The following NBEAL2 variants were observed in gnomAD, a reference collection of about 807,000 sequenced individuals.
NBEAL2 encodes neurobeachin-like protein 2.
In NBEAL2, 160 loss-of-function variants were observed where a neutral mutation model predicts 299.8. The ratio of observed to expected loss-of-function variants is 0.53; its 90% CI spans 0.47 to 0.61. The LOEUF is 0.61. Among genes scored for constraint, NBEAL2 ranks in the 20% least tolerant of loss-of-function variants. The pLI, the probability that NBEAL2 is intolerant of heterozygous loss-of-function variation, is 0.00. For missense variants in NBEAL2, 3,112 were observed against 3,649.0 expected, an observed-to-expected ratio of 0.85 and a Z score of 3.79; for synonymous variants, 1,493 against 1,542.3, an observed-to-expected ratio of 0.97 and a Z score of 0.75.
Position 47,004,893 on chromosome 3 carries a change from C to T in NBEAL2, c.6295-79C>T. 1 of 1,545,902 alleles carries T rather than the reference C, an allele frequency of 6.5e-7. No homozygotes were observed. Among genetic ancestry groups the T allele is most frequent in the South Asian group, 1.2e-5 (1 of 83,696 alleles). On this transcript the variant is annotated intron_variant, in intron 38 of 53. Transcript: ENST00000450053. This position sits in a 1 kb window ranked among gnomAD's most constrained non-coding sequence, Gnocchi z 5.0. ...TGTGGGCAGGCTCTGTGCCCGCCTT[C>T]TTGAGGGTGTGGGCAGGGCAGGGTG...
At position 46,988,155 on chromosome 3, in the gene NBEAL2, C is replaced by G. The variant is rs916350404; in HGVS notation, c.52-514C>G. 3.5e-5 allele frequency: 35 copies of G among 1,006,978 alleles called. No individual in the cohort carries two copies. In the South Asian group the frequency reaches 5.4e-4, roughly 16 times the overall value. The allele number at this position is 1,006,978 out of a possible 1,614,324, so 62.4% of individuals were successfully genotyped here. A position where few individuals can be genotyped will look rare whatever the true frequency, so the allele number is the denominator to read the frequency against. On this transcript the variant is annotated intron_variant, in intron 1 of 53. Coordinates refer to ENST00000450053, the MANE Select transcript of NBEAL2 (RefSeq NM_015175.3). The surrounding 1 kb of genome is among the most constrained non-coding windows in gnomAD (Gnocchi z 4.4). ...AGGATGTGCGCATGTCTGGGTCTGC[C>G]TGTCTAATGGTACACGTGTGTCCTG...
At position 47,007,104 on chromosome 3, in the gene NBEAL2, C is replaced by T. The variant is rs779247790; in HGVS notation, c.7173C>T (p.Val2391=). ...GTGTACCCCTGGTGCTAGCCCTGGTCCCCCACCGGCAGCCCCACTCCTTCA... is the reference window on the plus strand; with the variant it reads ...GTGTACCCCTGGTGCTAGCCCTGGTTCCCCACCGGCAGCCCCACTCCTTCA... ...SDGVPLVLAL[V]PHRQPHSFIT... The change falls in exon 46 of 54, where the codon GTC becomes GTT. Residue 2391 remains valine (V), a synonymous_variant. Coordinates refer to ENST00000450053, the MANE Select transcript of NBEAL2 (RefSeq NM_015175.3). 6.2e-7 allele frequency: 1 copy of T among 1,613,404 alleles called. No individual in the cohort carries two copies. Among genetic ancestry groups the T allele is most frequent in the South Asian group, 1.1e-5 (1 of 91,006 alleles).
At chr3:46,980,580 G>C (rs1445855111) in intron 1 of NBEAL2, among the ~76,000 whole-genome samples, 1 of 152,136 alleles carries the variant, frequency 6.6e-6, no homozygotes, top group Non-Finnish European at 1.5e-5. Context: ...GATGCCCAGG[G>C]TGAGGGTGGG....
chr3:46,996,724 G>T (rs1365417704), intron 16 of NBEAL2, 27 bp from the exon 17 acceptor site: 3 of 1,606,080 alleles, frequency 1.9e-6, no homozygotes, highest in Non-Finnish European at 2.6e-6. Context: ...GCCTAGCAAG[G>T]TCTGAAGCCC....
chr3:46,991,926 C>T lies in NBEAL2; in HGVS notation c.1012C>T (p.Arg338Trp), dbSNP rs751200449. The T allele has an allele frequency of 9.4e-6, 15 of 1,600,360 alleles. No individual in the cohort carries two copies. The highest frequency in any genetic ancestry group is 4.5e-5 in the South Asian group (4 of 88,478). The change falls in exon 9 of 54, where the codon CGG becomes TGG. Residue 338 changes from arginine (R) to tryptophan (W), a missense_variant. Arg to Trp is a moderately radical substitution (Grantham distance 101). This residue lies in a region of NBEAL2 where 2,243 missense variants were observed against 2,538.1 expected (regional missense o/e 0.88). Coordinates refer to ENST00000450053, the MANE Select transcript of NBEAL2 (RefSeq NM_015175.3). The surrounding 1 kb of genome is among the most constrained non-coding windows in gnomAD (Gnocchi z 6.2). The part of the protein sequence containing the change: ...LSNNCFEHLT[R>W]LIQNSKLYLQ... ...CAACAATTGCTTTGAACACCTCACTCGGCTCATTCAGAACAGCAAGGTGGG... is the reference window on the plus strand; with the variant it reads ...CAACAATTGCTTTGAACACCTCACTTGGCTCATTCAGAACAGCAAGGTGGG...
chr3:46,980,444 C>G (rs1343776273), intron 1 of NBEAL2, among the ~76,000 whole-genome samples: 1 of 152,090 alleles, frequency 6.6e-6, no homozygotes, highest in Non-Finnish European at 1.5e-5. Context: ...GTTGCATCCC[C>G]CCACACCCCA....
In NBEAL2 at chr3:47,009,237, G is replaced by A. The variant is rs757854384; in HGVS notation, c.8182G>A (p.Ala2728Thr). ...CCACCAGGTGCGCAGCAGCCAGTTC[G>A]CGCGGAAGCTGTGGCGGTCCTCGCG... ...QPSEVRSSQFARKLWRSSRRI... is the reference protein window; with the variant it reads ...QPSEVRSSQFTRKLWRSSRRI... Residue 2728 changes from alanine (A) to threonine (T), a missense_variant, in exon 54 of 54, where the codon GCG becomes ACG. Transcript: ENST00000450053. The A allele has an allele frequency of 6.3e-7, 1 of 1,599,838 alleles. No individual in the cohort carries two copies. Among genetic ancestry groups the A allele is most frequent in the South Asian group, 1.1e-5 (1 of 88,200 alleles).
At chr3:46,985,310 C>A (rs1466604283) in intron 1 of NBEAL2, among the ~76,000 whole-genome samples, 1 of 152,130 alleles carries the variant, frequency 6.6e-6, no homozygotes, top group Non-Finnish European at 1.5e-5. Flanking sequence ...GATGTCTACT[C>A]GAGGCCCATT....
chr3:46,999,146 A>G, intron 24 of NBEAL2, 29 bp downstream of exon 24: 1 of 1,552,496 alleles, frequency 6.4e-7, no homozygotes, highest in Non-Finnish European at 8.7e-7. Context: ...CTCCCCTGGC[A>G]TCCCATTCAC....
chr3:46,980,284 G>A (rs915450168), intron 1 of NBEAL2, among the ~76,000 whole-genome samples: 10 of 152,344 alleles, frequency 6.6e-5, no homozygotes, highest in Admixed American at 3.3e-4. Context: ...CTGGCCAGGA[G>A]GCTAGGGGGA....
Position 46,993,701 on chromosome 3 carries a change from C to T in NBEAL2, c.1114-236C>T, listed in dbSNP as rs373538576. The stretch of plus-strand genomic sequence containing the variant: ...ACCATTAATCTGTCCCAGTGAGGCC[C>T]TTCCCAGCCTTTGTTAGAGTGGGTC... On this transcript the variant is annotated intron_variant, in intron 10 of 53. Coordinates refer to ENST00000450053, the MANE Select transcript of NBEAL2 (RefSeq NM_015175.3). 4.5e-4 allele frequency among the ~76,000 whole-genome samples: 68 copies of T among 152,258 alleles called. No homozygotes were observed. The East Asian group carries it at 5.4e-3, about 12-fold the overall frequency.
Position 47,001,603 on chromosome 3 carries a change from C to A in NBEAL2, c.4645-86C>A, listed in dbSNP as rs1220474447. ...CTGTGTGCACAAACCCTACCTGGCC[C>A]CCAGCGCAAACTTTACTTTGCTCCC... On this transcript the variant is annotated intron_variant, in intron 29 of 53. Transcript: ENST00000450053. The surrounding 1 kb of genome is among the most constrained non-coding windows in gnomAD (Gnocchi z 6.1). 44 of 1,583,310 alleles carry A rather than the reference C, an allele frequency of 2.8e-5. No homozygotes were observed. Among genetic ancestry groups the A allele is most frequent in the African/African-American group, 5.4e-5 (4 of 74,456 alleles).
Position 46,997,263 on chromosome 3 carries a change from T to C in NBEAL2, c.2654T>C (p.Val885Ala), listed in dbSNP as rs1165237508. The change falls in exon 19 of 54, where the codon GTG becomes GCG. Residue 885 changes from valine to alanine, a missense_variant. Transcript: ENST00000450053. The part of the protein sequence containing the change: ...HRVETWDVKD[V>A]VNCVGGMGAL... ...CTGCCATCCTCCTTCCCCCAGGATGTGGTGAACTGCGTTGGGGGTATGGGT... is the reference window on the plus strand; with the variant it reads ...CTGCCATCCTCCTTCCCCCAGGATGCGGTGAACTGCGTTGGGGGTATGGGT... 1.2e-6 allele frequency: 2 copies of C among 1,612,492 alleles called. No homozygotes were observed. Among genetic ancestry groups the C allele is most frequent in the Non-Finnish European group, 1.7e-6 (2 of 1,179,758 alleles).
intron 20 of NBEAL2, 144 bp from the exon 21 acceptor site, chr3:46,997,923 G>A (rs2036621404): frequency 3.3e-6 from 4 of 1,229,148 alleles, no homozygotes; most frequent in South Asian, 1.6e-5. Context: ...GTCAGAGGCG[G>A]CAGGAAGCCC....
chr3:47,005,175 C>T lies in NBEAL2; in HGVS notation c.6420-6C>T. ...CTTCTGCTGACACGTCCAACTGTGG[C>T]CCCAGGTATGAAAGCTTTGAGGACC... On this transcript the variant is annotated splice_polypyrimidine_tract_variant and splice_region_variant and intron_variant, in intron 39 of 53. Transcript: ENST00000450053. 6.2e-7 allele frequency: 1 copy of T among 1,613,696 alleles called. No individual in the cohort carries two copies. The highest frequency in any genetic ancestry group is 8.5e-7 in the Non-Finnish European group (1 of 1,179,878).
intron 24 of NBEAL2, 56 bp from the exon 25 acceptor site, chr3:46,999,259 C>A: frequency 6.4e-7 from 1 of 1,564,990 alleles, no homozygotes; most frequent in Non-Finnish European, 8.7e-7. Context: ...CGGTGACTTC[C>A]CCTCCTACAG....
chr3:47,002,580 G>T, intron 32 of NBEAL2, 60 bp downstream of exon 32: 1 of 1,608,664 alleles, frequency 6.2e-7, no homozygotes, highest in South Asian at 1.1e-5. Flanking sequence ...GGAGATGACT[G>T]ACAATGTGGA....
intron 1 of NBEAL2, among the ~76,000 whole-genome samples, chr3:46,986,876 T>G (rs990970653): frequency 1.3e-5 from 2 of 152,202 alleles, no homozygotes; most frequent in Admixed American, 6.5e-5. Context: ...GAAGAAATGG[T>G]CCAGGGCCCC....
chr3:47,004,865 A>G lies in NBEAL2; in HGVS notation c.6295-107A>G, dbSNP rs919654903. The G allele has an allele frequency of 4.3e-5, 65 of 1,494,652 alleles. No individual in the cohort carries two copies. Among genetic ancestry groups the G allele is most frequent in the Non-Finnish European group, 5.8e-5 (64 of 1,110,028 alleles). 92.6% of individuals were successfully genotyped at this position (1,494,652 alleles called of 1,614,324 possible). A position where few individuals can be genotyped will look rare whatever the true frequency, so the allele number is the denominator to read the frequency against. Reference sequence around the variant, plus strand: ...GACCCCTCTAAGTGGTGCTCCCCCAACCTGTGGGCAGGCTCTGTGCCCGCC... The same window carrying G: ...GACCCCTCTAAGTGGTGCTCCCCCAGCCTGTGGGCAGGCTCTGTGCCCGCC... On this transcript the variant is annotated intron_variant, in intron 38 of 53. Transcript: ENST00000450053. The surrounding 1 kb of genome is among the most constrained non-coding windows in gnomAD (Gnocchi z 5.0).
Sources: gnomAD v4.1 joint callset for allele counts (sites outside exome capture counted in the v4.1 genomes callset) on GRCh38, gnomAD v4.1.1 for gene constraint, gnomAD v4.1.1 regional missense constraint, Gnocchi (gnomAD v3.1) non-coding constraint, MANE v1.5 for transcripts, NCBI Gene and HGNC (gene_info 2026-07-23, HGNC 2026-07-21) for gene names.